GOLGA6L2: variants seen among roughly 807,000 people sequenced by gnomAD.
The protein encoded by GOLGA6L2 is golgin subfamily A member 6-like protein 2.
A neutral mutation model predicts 35.9 loss-of-function variants in GOLGA6L2; 30 were observed. The observed-to-expected ratio is 0.83, with a 90% CI of 0.62 to 1.13. The LOEUF is 1.13. Ranked by LOEUF, GOLGA6L2 falls within the 50% of genes most tolerant of loss-of-function variation. The probability of loss-of-function intolerance (pLI) is 0.00; values close to 1 mark genes in which losing one functional copy is unlikely to be tolerated. For missense variants in GOLGA6L2, 821 were observed against 973.4 expected, an observed-to-expected ratio of 0.84 and a Z score of 2.08; for synonymous variants, 297 against 344.0, an observed-to-expected ratio of 0.86 and a Z score of 1.51.
In GOLGA6L2 at chr15:23,439,447, C is replaced by CTTTTT. The variant is rs74627979; in HGVS notation, c.*293_*297dup. The CTTTTT allele has an allele frequency of 1.9e-5, 8 of 417,866 alleles. No individual in the cohort carries two copies. The highest frequency in any genetic ancestry group is 1.3e-4 in the East Asian group (2 of 15,874). The allele number at this position is 417,866 out of a possible 1,614,324, so 25.9% of individuals were successfully genotyped here. On this transcript the variant is annotated 3_prime_UTR_variant, in exon 8 of 8. Coordinates refer to ENST00000567107, the MANE Select transcript of GOLGA6L2 (RefSeq NM_001304388.2). ...CACAATTTAAAGTAAATTTTCTTTTCTTTTTTTTTTTTTTTTTCAAGTTTG... is the reference window on the plus strand; with the variant it reads ...CACAATTTAAAGTAAATTTTCTTTTCTTTTTTTTTTTTTTTTTTTTTTCAAGTTTG...
intron 1 of GOLGA6L2, among the ~76,000 whole-genome samples, chr15:23,446,237 G>A (rs1352035226): frequency 6.6e-6 from 1 of 152,176 alleles, no homozygotes; most frequent in African/African-American, 2.4e-5. Flanking sequence ...AGAAGCCTGG[G>A]AGAAAACCAA....
At position 23,440,779 on chromosome 15, in the gene GOLGA6L2, C is replaced by T; in HGVS notation, c.1696G>A (p.Ala566Thr). 6.5e-7 allele frequency: 1 copy of T among 1,537,824 alleles called. No individual in the cohort carries two copies. Among genetic ancestry groups the T allele is most frequent in the Non-Finnish European group, 8.8e-7 (1 of 1,140,724 alleles). ...EADVGAGGED[A>T]GSGAEDVGPG... ...CCCACATCTTCTGCTCCTGATCCCG[C>T]ATCTTCTCCTCCTGCTCCCACATCT... is the stretch of plus-strand genomic sequence containing the variant. Residue 566 changes from alanine to threonine, a missense_variant, in exon 8 of 8, where the codon GCG (alanine) becomes ACG (threonine). Physicochemically the swap from Ala to Thr is moderately conservative, Grantham distance 58 (BLOSUM62 0). Transcript: ENST00000567107.
At chr15:23,444,448 C>A in intron 3 of GOLGA6L2, 23 bp downstream of exon 3, 5 of 1,600,258 alleles carry the variant, frequency 3.1e-6, no homozygotes, top group Non-Finnish European at 4.2e-6. Flanking sequence ...GCAGTCATGT[C>A]GTGAGCAAAC....
At chr15:23,444,915 T>C (rs1453914537) in intron 2 of GOLGA6L2, among the ~76,000 whole-genome samples, 6 of 149,022 alleles carry the variant, frequency 4.0e-5, no homozygotes, top group African/African-American at 9.9e-5. Flanking sequence ...AGGTTTCCAT[T>C]CTAGTGAATC....
At chr15:23,441,853 TG>T in intron 7 of GOLGA6L2, 125 bp downstream of exon 7, 2 of 1,381,256 alleles carry the variant, frequency 1.4e-6, no homozygotes, top group African/African-American at 1.5e-5. Flanking sequence ...GATTCTATGG[TG>T]GGACCAGAAC....
chr15:23,439,715 G>C lies in GOLGA6L2; in HGVS notation c.*30C>G. The stretch of plus-strand genomic sequence containing the variant: ...AGAACCCTCCCCAGCCTCTCCTCCT[G>C]CAGGCTCCACACTGCCAGTGTGGCT... On this transcript the variant is annotated 3_prime_UTR_variant, in exon 8 of 8. Transcript: ENST00000567107. 6.5e-7 allele frequency: 1 copy of C among 1,537,034 alleles called. No individual in the cohort carries two copies. Among genetic ancestry groups the C allele is most frequent in the Non-Finnish European group, 8.7e-7 (1 of 1,147,070 alleles).
Position 23,441,678 on chromosome 15 carries a change from T to G in GOLGA6L2, c.797A>C (p.Gln266Pro), listed in dbSNP as rs759786964. ...ERAKFLLPQVQTNTLQEEMWR... is the reference protein window; with the variant it reads ...ERAKFLLPQVPTNTLQEEMWR... ...CATCTCCTCCTGCAAAGTGTTGGTT[T>G]GAACCTCAAAAGGAAATAGACTTAT... The change falls in exon 8 of 8, where the codon CAA becomes CCA. Residue 266 changes from glutamine (Q) to proline (P), a missense_variant. Transcript: ENST00000567107. The G allele has an allele frequency of 3.5e-5, 52 of 1,503,750 alleles. No homozygotes were observed. Among genetic ancestry groups the G allele is most frequent in the Non-Finnish European group, 4.5e-5 (51 of 1,129,892 alleles). The allele number at this position is 1,503,750 out of a possible 1,614,324, so 93.2% of individuals were successfully genotyped here.
intron 5 of GOLGA6L2, 107 bp from the exon 6 acceptor site, chr15:23,442,615 C>T: frequency 1.9e-6 from 2 of 1,052,252 alleles, no homozygotes; most frequent in Admixed American, 2.0e-5. Flanking sequence ...CCTCACTCTC[C>T]ATCACACCCG....
chr15:23,442,197 G>T, intron 6 of GOLGA6L2, 77 bp from the exon 7 acceptor site: 1 of 1,465,728 alleles, frequency 6.8e-7, no homozygotes. Flanking sequence ...CTCTACTCTC[G>T]CCCCACAAGC....
At chr15:23,445,688 C>G (rs1886770110) in intron 1 of GOLGA6L2, among the ~76,000 whole-genome samples, 1 of 152,122 alleles carries the variant, frequency 6.6e-6, no homozygotes, top group South Asian at 2.1e-4. Flanking sequence ...TGCCAGGGGC[C>G]AAAACCAGAG....
In GOLGA6L2 at chr15:23,440,922, T is replaced by C; in HGVS notation, c.1553A>G (p.Glu518Gly). ...EQEEKIWEQE[E>G]KIRDQEEMWG... is the part of the protein sequence containing the mutation. ...CATCTCCTCCTGGTCCCGTATCTTC[T>C]CCTCCTGCTCCCATATCTTCTCCTC... Residue 518 changes from glutamate to glycine, a missense_variant, in exon 8 of 8, where the codon GAG becomes GGG. Glu to Gly is a moderately conservative substitution (Grantham distance 98, BLOSUM62 -2). Around this residue, in one of 7 missense-constraint regions of GOLGA6L2, gnomAD observed 614 missense variants for 632.3 expected, o/e 0.97. Transcript: ENST00000567107. 1 of 1,274,090 alleles carries C rather than the reference T, an allele frequency of 7.8e-7. No homozygotes were observed. The highest frequency in any genetic ancestry group is 1.0e-6 in the Non-Finnish European group (1 of 975,658). The allele number at this position is 1,274,090 out of a possible 1,614,324, so 78.9% of individuals were successfully genotyped here.
chr15:23,444,806 A>T (rs954204275), intron 2 of GOLGA6L2, among the ~76,000 whole-genome samples: 1 of 152,086 alleles, frequency 6.6e-6, no homozygotes, highest in African/African-American at 2.4e-5. Flanking sequence ...AGAAAGGTGC[A>T]TTCATTCAAC....
intron 5 of GOLGA6L2, among the ~76,000 whole-genome samples, chr15:23,443,542 G>A (rs984572130): frequency 3.3e-5 from 5 of 152,312 alleles, no homozygotes; most frequent in African/African-American, 1.2e-4. Flanking sequence ...GGGCAGGGCA[G>A]GCTCTTGGCC....
At chr15:23,446,915 G>T (rs11852351) in intron 1 of GOLGA6L2, among the ~76,000 whole-genome samples, 183 bp downstream of exon 1, 1 of 152,042 alleles carries the variant, frequency 6.6e-6, no homozygotes, top group Non-Finnish European at 1.5e-5. Context: ...GGCAAGGGCC[G>T]GGGCAGGACT....
At chr15:23,442,580 A>G (rs1476994159) in intron 5 of GOLGA6L2, 72 bp from the exon 6 acceptor site, 1 of 1,367,588 alleles carries the variant, frequency 7.3e-7, no homozygotes, top group Non-Finnish European at 1.0e-6. Context: ...AACAACAGCT[A>G]CACTGATACT....
At chr15:23,444,874 C>T (rs1427073569) in intron 2 of GOLGA6L2, among the ~76,000 whole-genome samples, 3 of 151,102 alleles carry the variant, frequency 2.0e-5, no homozygotes, top group East Asian at 2.0e-4. Flanking sequence ...GGATATAGGA[C>T]GGAAAAGGCA....
At chr15:23,447,053 TGG>T in intron 1 of GOLGA6L2, 43 bp downstream of exon 1, 1 of 785,544 alleles carries the variant, frequency 1.3e-6, no homozygotes, top group Non-Finnish European at 1.9e-6. Flanking sequence ...GGAGGGGGCC[TGG>T]GGCTGGGTTG....
rs539651820 is a variant in GOLGA6L2, at chr15:23,445,698, G to A, written c.85-260C>T. On this transcript the variant is annotated intron_variant, in intron 1 of 7. Coordinates refer to ENST00000567107, the MANE Select transcript of GOLGA6L2 (RefSeq NM_001304388.2). ...GCAGCTGCCAGGGGCCAAAACCAGA[G>A]GCAGAGGTAGAAAAGTAAAAAGTAG... 5.9e-5 allele frequency among the ~76,000 whole-genome samples: 9 copies of A among 152,300 alleles called. No individual in the cohort carries two copies. In the South Asian group the frequency reaches 1.9e-3, roughly 32 times the overall value.
At position 23,442,440 on chromosome 15, in the gene GOLGA6L2, C is replaced by G; in HGVS notation, c.650+10G>C. The G allele has an allele frequency of 6.3e-7, 1 of 1,595,956 alleles. No homozygotes were observed. Among genetic ancestry groups the G allele is most frequent in the Non-Finnish European group, 8.5e-7 (1 of 1,178,176 alleles). ...CCCCAGACCTCCCATCCCACCTTCC[C>G]CCATCCTACGTGTTCCTGTACAGTT... On this transcript the variant is annotated intron_variant, in intron 6 of 7. Coordinates refer to ENST00000567107, the MANE Select transcript of GOLGA6L2 (RefSeq NM_001304388.2).
Sources: allele counts gnomAD v4.1 joint callset (sites outside exome capture counted in the v4.1 genomes callset), GRCh38; gene constraint gnomAD v4.1.1; regional missense constraint gnomAD v4.1.1; transcripts MANE v1.5; gene names NCBI Gene and HGNC (gene_info 2026-07-23, HGNC 2026-07-21).